The following MMP25 variants were observed in gnomAD, a reference collection of about 807,000 sequenced individuals.
MMP25 encodes matrix metallopeptidase 25.
In MMP25, 68 loss-of-function variants were observed where a neutral mutation model predicts 62.1. That is an observed-to-expected ratio of 1.10 (90% CI 0.90 to 1.34). The LOEUF is 1.34. Ranked by LOEUF, MMP25 falls within the 40% of genes most tolerant of loss-of-function variation. The pLI is 0.00. For missense variants in MMP25, 942 were observed against 792.5 expected (o/e 1.19, Z -2.26); for synonymous variants, 407 against 345.6 (o/e 1.18, Z -1.97).
At position 3,057,146 on chromosome 16, in the gene MMP25, G is replaced by T; in HGVS notation, c.775G>T (p.Val259Leu). The T allele has an allele frequency of 6.2e-7, 1 of 1,613,526 alleles. No homozygotes were observed. Among genetic ancestry groups the T allele is most frequent in the South Asian group, 1.1e-5 (1 of 90,964 alleles). Residue 259 changes from valine (V) to leucine (L), a missense_variant, in exon 5 of 10, where the codon GTG becomes TTG. Coordinates refer to ENST00000336577, the MANE Select transcript of MMP25 (RefSeq NM_022468.5). ...TATGAGGCCCTTCTACCAGGGTCCG[G>T]TGGGCGACCCTGACAAGTACCGCCT... ...SIMRPFYQGPVGDPDKYRLSQ... is the reference protein window; with the variant it reads ...SIMRPFYQGPLGDPDKYRLSQ...
intron 4 of MMP25, chr16:3,053,462 G>T (rs1181449996): frequency 6.6e-6 from 1 of 152,296 alleles, no homozygotes; most frequent in Non-Finnish European, 1.5e-5. Flanking sequence ...GAGGAGAACG[G>T]CGCCTGCTGG....
intron 2 of MMP25, among the ~76,000 whole-genome samples, chr16:3,048,569 C>T (rs2151152453): frequency 6.6e-6 from 1 of 152,162 alleles, no homozygotes; most frequent in South Asian, 2.1e-4. Flanking sequence ...GAGCTGAGAC[C>T]ACAAAGAGGA....
chr16:3,057,231 G>A (rs759462000), intron 5 of MMP25, 22 bp downstream of exon 5: 48 of 1,613,502 alleles, frequency 3.0e-5, no homozygotes, highest in East Asian at 6.7e-5. Context: ...GGGACCTGCC[G>A]CGAAACCATC....
intron 7 of MMP25, 85 bp downstream of exon 7, chr16:3,057,698 C>A (rs1055391193): frequency 2.3e-6 from 3 of 1,285,476 alleles, no homozygotes; most frequent in Non-Finnish European, 3.4e-6. Context: ...ACCCTGGAAG[C>A]GGAACTTTTT....
At position 3,057,146 on chromosome 16, in the gene MMP25, G is replaced by A. The variant is rs1243675412; in HGVS notation, c.775G>A (p.Val259Met). ...TATGAGGCCCTTCTACCAGGGTCCGGTGGGCGACCCTGACAAGTACCGCCT... is the reference window on the plus strand; with the variant it reads ...TATGAGGCCCTTCTACCAGGGTCCGATGGGCGACCCTGACAAGTACCGCCT... ...SIMRPFYQGP[V>M]GDPDKYRLSQ... The change falls in exon 5 of 10, where the codon GTG becomes ATG. Residue 259 changes from valine to methionine, a missense_variant. Physicochemically the swap from Val to Met is conservative, Grantham distance 21. Transcript: ENST00000336577. 1 of 1,613,524 alleles carries A rather than the reference G, an allele frequency of 6.2e-7. No homozygotes were observed. The highest frequency in any genetic ancestry group is 1.1e-5 in the South Asian group (1 of 90,964).
chr16:3,055,194 C>G (rs1234369329), intron 4 of MMP25, among the ~76,000 whole-genome samples: 1 of 152,054 alleles, frequency 6.6e-6, no homozygotes, highest in Non-Finnish European at 1.5e-5. Context: ...CCCCTGTGGA[C>G]TGCCCTCTGG....
Position 3,056,969 on chromosome 16 carries a change from G to T in MMP25, c.662-64G>T. 4 of 1,502,076 alleles carry T rather than the reference G, an allele frequency of 2.7e-6. No individual in the cohort carries two copies. In the Admixed American group the frequency reaches 6.5e-5, roughly 24 times the overall value. The allele number at this position is 1,502,076 out of a possible 1,614,324, so 93.0% of individuals were successfully genotyped here. On this transcript the variant is annotated intron_variant, in intron 4 of 9. Coordinates refer to ENST00000336577, the MANE Select transcript of MMP25 (RefSeq NM_022468.5). ...TGTTGGCCCCAGCTGCACTCGCAGG[G>T]CCTTCCTGTGGCCCCTTTCCCCAAG... is the stretch of plus-strand genomic sequence containing the variant.
In MMP25 at chr16:3,046,589, G is replaced by C. The variant is rs1596489632; in HGVS notation, c.-329G>C. On this transcript the variant is annotated 5_prime_UTR_variant, in exon 1 of 10. Transcript: ENST00000336577. ...CAGCCCTCCGCTCGCGCCCGGAGAGGAGGGGCCGCTGGCGCAGCGCCCCGG... is the reference window on the plus strand; with the variant it reads ...CAGCCCTCCGCTCGCGCCCGGAGAGCAGGGGCCGCTGGCGCAGCGCCCCGG... 1 of 206,508 alleles carries C rather than the reference G, an allele frequency of 4.8e-6. No individual in the cohort carries two copies. The highest frequency in any genetic ancestry group is 6.0e-5 in the Admixed American group (1 of 16,726). The allele number at this position is 206,508 out of a possible 1,614,324, so 12.8% of individuals were successfully genotyped here.
intron 4 of MMP25, chr16:3,055,886 G>A (rs1292974808): frequency 4.4e-6 from 2 of 455,488 alleles, no homozygotes; most frequent in African/African-American, 2.0e-5. Flanking sequence ...ATGAGGAGCT[G>A]GGCTTCAGCC....
chr16:3,057,573 C>G lies in MMP25; in HGVS notation c.966C>G (p.Asp322Glu), dbSNP rs557799311. The G allele has an allele frequency of 1.9e-6, 3 of 1,614,158 alleles. No individual in the cohort carries two copies. The South Asian group carries it at 3.3e-5, about 18-fold the overall frequency. ...PIPDRCEGNF[D>E]AIANIRGETF... is the part of the protein sequence containing the mutation. ...CTGATCGATGTGAGGGCAATTTTGA[C>G]GCCATCGCCAACATCCGAGGGGAAA... The change falls in exon 7 of 10, where the codon GAC becomes GAG. Residue 322 changes from aspartate (D) to glutamate (E), a missense_variant. Coordinates refer to ENST00000336577, the MANE Select transcript of MMP25 (RefSeq NM_022468.5).
intron 7 of MMP25, chr16:3,057,855 C>G: frequency 1.7e-6 from 1 of 589,654 alleles, no homozygotes; most frequent in Non-Finnish European, 3.0e-6. Flanking sequence ...CATGCCACCA[C>G]GCCTTGCTAG....
intron 4 of MMP25, among the ~76,000 whole-genome samples, chr16:3,050,930 A>G (rs139693942): frequency 7.9e-5 from 12 of 151,860 alleles, no homozygotes; most frequent in African/African-American, 2.9e-4. Context: ...AGCCAGGACC[A>G]CAGATGTGCA....
In MMP25 at chr16:3,058,203, G is replaced by A. The variant is rs369777964; in HGVS notation, c.1029G>A (p.Gln343=). ...CAGGCCCCTGGTTCTGGCGCCTCCA[G>A]CCCTCCGGACAGCTGGTGTCCCCGC... The part of the protein sequence containing the change: ...FFKGPWFWRL[Q]PSGQLVSPRP... Residue 343 remains glutamine (Q), a synonymous_variant, in exon 8 of 10, where the codon CAG becomes CAA. Transcript: ENST00000336577. 6.6e-5 allele frequency: 107 copies of A among 1,612,634 alleles called. No homozygotes were observed. The highest frequency in any genetic ancestry group is 8.6e-5 in the Non-Finnish European group (102 of 1,179,462).
chr16:3,058,355 G>A (rs1469961188), intron 8 of MMP25, 22 bp downstream of exon 8: 1 of 1,516,520 alleles, frequency 6.6e-7, no homozygotes, highest in Non-Finnish European at 8.8e-7. Context: ...CGGCGGCGGG[G>A]CGCGCTGGGG....
At position 3,059,367 on chromosome 16, in the gene MMP25, G is replaced by A. The variant is rs1303460277; in HGVS notation, c.*269G>A. 2 of 355,504 alleles carry A rather than the reference G, an allele frequency of 5.6e-6. No individual in the cohort carries two copies. Among genetic ancestry groups the A allele is most frequent in the Non-Finnish European group, 9.9e-6 (2 of 201,088 alleles). The allele number at this position is 355,504 out of a possible 1,614,324, so 22.0% of individuals were successfully genotyped here. A position where few individuals can be genotyped will look rare whatever the true frequency, so the allele number is the denominator to read the frequency against. ...AGGGGCGCACGCGCGCTGGGACCAT[G>A]CGTCGGTCGTCGCCCCCGTCGTTCC... On this transcript the variant is annotated 3_prime_UTR_variant, in exon 10 of 10. Coordinates refer to ENST00000336577, the MANE Select transcript of MMP25 (RefSeq NM_022468.5).
chr16:3,047,068 G>T, intron 1 of MMP25, 52 bp downstream of exon 1: 1 of 1,388,814 alleles, frequency 7.2e-7, no homozygotes, highest in South Asian at 1.6e-5. Flanking sequence ...TTGGGAGAGG[G>T]AAGCCGGGCC....
rs144516789 is a variant in MMP25, at chr16:3,056,702, A to G, written c.662-331A>G. On this transcript the variant is annotated intron_variant, in intron 4 of 9. Transcript: ENST00000336577. ...AGTGCTGGGTTTACAGGCATGAGCC[A>G]CCACACCCAGCTCCTCCCCCTCAAA... The G allele has an allele frequency of 6.3e-3, 1,671 of 265,892 alleles. 25 individuals carry two copies. Among genetic ancestry groups the G allele is most frequent in the African/African-American group, 0.032 (1,435 of 44,806 alleles). 16.5% of individuals were successfully genotyped at this position (265,892 alleles called of 1,614,324 possible).
In MMP25 at chr16:3,057,209, G is replaced by T. The variant is rs1397365961; in HGVS notation, c.838G>T (p.Gly280Trp). The T allele has an allele frequency of 8.1e-6, 13 of 1,613,118 alleles. No homozygotes were observed. Among genetic ancestry groups the T allele is most frequent in the Non-Finnish European group, 1.1e-5 (13 of 1,179,542 alleles). ...DDRDGLQQLYGKAPQTPYDKP... is the reference protein window; with the variant it reads ...DDRDGLQQLYWKAPQTPYDKP... ...CCGCGATGGCCTGCAGCAACTCTAT[G>T]GTAGGGGGAGAGGGACCTGCCGCGA... is the stretch of plus-strand genomic sequence containing the variant. Residue 280 changes from glycine (G) to tryptophan (W), a missense_variant and splice_region_variant, in exon 5 of 10, where the codon GGG becomes TGG. Coordinates refer to ENST00000336577, the MANE Select transcript of MMP25 (RefSeq NM_022468.5).
In MMP25 at chr16:3,057,478, T is replaced by A. The variant is rs1956033320; in HGVS notation, c.924-53T>A. Reference sequence around the variant, plus strand: ...CTGAGATGGGGATGGTGGGGGTCCCTGCCTTGGAGAAAACAAACCCCCCTC... The same window carrying A: ...CTGAGATGGGGATGGTGGGGGTCCCAGCCTTGGAGAAAACAAACCCCCCTC... On this transcript the variant is annotated intron_variant, in intron 6 of 9. Coordinates refer to ENST00000336577, the MANE Select transcript of MMP25 (RefSeq NM_022468.5). 1.9e-6 allele frequency: 3 copies of A among 1,600,424 alleles called. No homozygotes were observed. The African/African-American group carries it at 4.0e-5, about 21-fold the overall frequency.
Sources: gnomAD v4.1 joint callset for allele counts (sites outside exome capture counted in the v4.1 genomes callset) on GRCh38, gnomAD v4.1.1 for gene constraint, MANE v1.5 for transcripts, NCBI Gene and HGNC (gene_info 2026-07-23, HGNC 2026-07-21) for gene names.